PRKCB: variants seen among roughly 807,000 people sequenced by gnomAD.
PRKCB encodes protein kinase C beta type.
PRKCB carries 13 observed loss-of-function variants against 81.5 expected under a neutral mutation model. The observed-to-expected ratio is 0.16, with a 90% confidence interval of 0.10 to 0.25. PRKCB has a LOEUF of 0.25. Among genes scored for constraint, PRKCB ranks in the 10% least tolerant of loss-of-function variants. PRKCB has a pLI of 1.00. For missense variants in PRKCB, 509 were observed against 875.7 expected (o/e 0.58, Z 5.29); for synonymous variants, 335 against 321.4 (o/e 1.04, Z -0.45).
chr16:23,905,011 A>G (rs753786909), intron 2 of PRKCB, among the ~76,000 whole-genome samples: 3 of 142,582 alleles, frequency 2.1e-5, no homozygotes, highest in Non-Finnish European at 4.6e-5. Flanking sequence ...TGTTTTCTAC[A>G]TTTCTTTCTT....
chr16:23,899,030 T>C (rs532475258), intron 2 of PRKCB, among the ~76,000 whole-genome samples: 1 of 152,202 alleles, frequency 6.6e-6, no homozygotes, highest in East Asian at 1.9e-4. Flanking sequence ...ATGAATGGTA[T>C]TGGGTGAGAA....
intron 5 of PRKCB, among the ~76,000 whole-genome samples, chr16:24,038,442 G>C (rs1965652465): frequency 6.6e-6 from 1 of 152,264 alleles, no homozygotes; most frequent in Non-Finnish European, 1.5e-5. Flanking sequence ...ATTCGGGAAA[G>C]GGCACGTTGT....
intron 7 of PRKCB, among the ~76,000 whole-genome samples, chr16:24,112,365 CA>C (rs1227150136): frequency 6.6e-6 from 1 of 152,074 alleles, no homozygotes; most frequent in Non-Finnish European, 1.5e-5. Flanking sequence ...CCCATCTCTA[CA>C]AAAAAATTTT....
chr16:24,169,106 T>C (rs1967397915), intron 10 of PRKCB, among the ~76,000 whole-genome samples: 1 of 152,086 alleles, frequency 6.6e-6, no homozygotes, highest in Non-Finnish European at 1.5e-5. Flanking sequence ...AATGAAGATA[T>C]CAAGGCTCAG....
intron 3 of PRKCB, among the ~76,000 whole-genome samples, chr16:24,017,850 C>A (rs1420532890): frequency 6.6e-6 from 1 of 151,634 alleles, no homozygotes; most frequent in East Asian, 1.9e-4. Flanking sequence ...CCACTTCATC[C>A]CCACAAGTAG....
chr16:24,161,804 A>C (rs1596575890), intron 10 of PRKCB, among the ~76,000 whole-genome samples: 1 of 152,144 alleles, frequency 6.6e-6, no homozygotes, highest in Non-Finnish European at 1.5e-5. Context: ...TATAATAAAC[A>C]TGAAATGGAG....
intron 4 of PRKCB, among the ~76,000 whole-genome samples, chr16:24,033,920 C>T (rs56374842): frequency 6.6e-6 from 1 of 151,802 alleles, no homozygotes; most frequent in Non-Finnish European, 1.5e-5. Flanking sequence ...CAGAGAGACA[C>T]AGTTGGAGAA....
intron 7 of PRKCB, among the ~76,000 whole-genome samples, chr16:24,102,607 C>G (rs1019784281): frequency 6.6e-6 from 1 of 152,246 alleles, no homozygotes; most frequent in Non-Finnish European, 1.5e-5. Context: ...CTGTCTGCCT[C>G]TTGGCCAACT....
At chr16:23,895,292 T>C (rs764704762) in intron 2 of PRKCB, among the ~76,000 whole-genome samples, 2 of 152,174 alleles carry the variant, frequency 1.3e-5, no homozygotes, top group Non-Finnish European at 2.9e-5. Context: ...AAAATTTTCT[T>C]ATGAGCTTTG....
At chr16:24,095,253 T>A (rs963059190) in intron 7 of PRKCB, among the ~76,000 whole-genome samples, 1 of 151,770 alleles carries the variant, frequency 6.6e-6, no homozygotes, top group Non-Finnish European at 1.5e-5. Context: ...GAGAACAGAG[T>A]TTTTTTATGA....
intron 3 of PRKCB, among the ~76,000 whole-genome samples, chr16:24,021,035 T>TCC (rs1567346745): frequency 7.1e-6 from 1 of 141,622 alleles, no homozygotes; most frequent in African/African-American, 2.7e-5. Context: ...TTTCTTTCTT[T>TCC]CTTTCTCTTT....
chr16:23,951,699 T>C (rs1168061555), intron 2 of PRKCB, among the ~76,000 whole-genome samples: 1 of 151,344 alleles, frequency 6.6e-6, no homozygotes, highest in Non-Finnish European at 1.5e-5. Context: ...ATTACAGGCA[T>C]GAGCCACTGC....
At position 24,123,984 on chromosome 16, in the gene PRKCB, A is replaced by G. The variant is rs1163443084; in HGVS notation, c.1065+3A>G. ...TGGGGAAAGGCAGCTTTGGCAAGGT[A>G]TGGTATGATTTGGTGGCTCCACCTG... On this transcript the variant is annotated splice_donor_region_variant and intron_variant, in intron 9 of 16. Transcript: ENST00000643927. 1.2e-6 allele frequency: 2 copies of G among 1,613,990 alleles called. No individual in the cohort carries two copies. The highest frequency in any genetic ancestry group is 2.7e-5 in the African/African-American group (2 of 74,938).
chr16:24,137,741 G>T (rs1044765775), intron 9 of PRKCB, among the ~76,000 whole-genome samples: 2 of 152,166 alleles, frequency 1.3e-5, no homozygotes, highest in African/African-American at 4.8e-5. Flanking sequence ...GTTACTAACA[G>T]CATAACCCAT....
At chr16:23,996,506 C>A (rs148744219) in intron 3 of PRKCB, among the ~76,000 whole-genome samples, 2 of 152,176 alleles carry the variant, frequency 1.3e-5, no homozygotes, top group African/African-American at 4.8e-5. Context: ...AGCTACCTGG[C>A]GGCAGGTTGA....
chr16:23,870,536 C>T (rs1380969216), intron 2 of PRKCB, among the ~76,000 whole-genome samples: 1 of 152,186 alleles, frequency 6.6e-6, no homozygotes, highest in African/African-American at 2.4e-5. Context: ...AGGCAACATC[C>T]TAAAGCAAAG....
In PRKCB at chr16:24,217,879, C is replaced by CA; in HGVS notation, c.*3064dup. On this transcript the variant is annotated 3_prime_UTR_variant, in exon 17 of 17. Coordinates refer to ENST00000643927, the MANE Select transcript of PRKCB (RefSeq NM_002738.7). ...GGGCCCTAACACAGTTCAGTTCATA[C>CA]AGGGGTTCAAAAGGGACAGTGGCCC... 1 of 985,398 alleles carries CA rather than the reference C, an allele frequency of 1.0e-6. No individual in the cohort carries two copies. The highest frequency in any genetic ancestry group is 1.7e-5 in the African/African-American group (1 of 57,344). The allele number at this position is 985,398 out of a possible 1,614,324, so 61.0% of individuals were successfully genotyped here. A position where few individuals can be genotyped will look rare whatever the true frequency, so the allele number is the denominator to read the frequency against.
chr16:24,051,874 G>A (rs889567363), intron 5 of PRKCB, among the ~76,000 whole-genome samples: 3 of 152,124 alleles, frequency 2.0e-5, no homozygotes, highest in African/African-American at 4.8e-5. Context: ...GGAGGCTGAG[G>A]CAGGTGGCGA....
chr16:23,950,081 G>A (rs910486662), intron 2 of PRKCB, among the ~76,000 whole-genome samples: 1 of 146,388 alleles, frequency 6.8e-6, no homozygotes, highest in African/African-American at 2.5e-5. Flanking sequence ...CTCCCCAGTG[G>A]CCCACTTCCT....
Sources: allele counts gnomAD v4.1 joint callset (sites outside exome capture counted in the v4.1 genomes callset), GRCh38; gene constraint gnomAD v4.1.1; transcripts MANE v1.5; gene names NCBI Gene and HGNC (gene_info 2026-07-23, HGNC 2026-07-21).